The following NCBP3 variants were observed in gnomAD, a reference collection of about 807,000 sequenced individuals.
NCBP3 encodes nuclear cap-binding protein subunit 3.
NCBP3 carries 20 observed loss-of-function variants against 75.7 expected under a neutral mutation model. The observed-to-expected ratio is 0.26, with a 90% confidence interval of 0.19 to 0.38. NCBP3 has a LOEUF of 0.38. Among genes scored for constraint, NCBP3 ranks in the 10% least tolerant of loss-of-function variants. The probability of loss-of-function intolerance (pLI) is 1.00; values close to 1 mark genes in which losing one functional copy is unlikely to be tolerated. For missense variants in NCBP3, 678 were observed against 796.9 expected (o/e 0.85, Z 1.80); for synonymous variants, 293 against 290.5 (o/e 1.01, Z -0.09).
At chr17:3,820,528 T>C (rs1220111866) in intron 9 of NCBP3, among the ~76,000 whole-genome samples, 2 of 152,190 alleles carry the variant, frequency 1.3e-5, no homozygotes, top group Non-Finnish European at 2.9e-5. Context: ...ATCCCACTCT[T>C]CTGAGGCATT....
At position 3,814,576 on chromosome 17, in the gene NCBP3, C is replaced by G. The variant is rs930750837; in HGVS notation, c.1466-93G>C. 4.4e-6 allele frequency: 6 copies of G among 1,354,686 alleles called. No individual in the cohort carries two copies. The Admixed American group carries it at 6.5e-5, about 15-fold the overall frequency. 83.9% of individuals were successfully genotyped at this position (1,354,686 alleles called of 1,614,324 possible). The stretch of plus-strand genomic sequence containing the variant: ...ACCTCTAACGGATCTGGCGCTAACC[C>G]CTGCCCCGAGGACACAGGGCCTGAC... On this transcript the variant is annotated intron_variant, in intron 11 of 12. Transcript: ENST00000389005.
chr17:3,829,429 T>A (rs1254486568), intron 3 of NCBP3, 61 bp from the exon 4 acceptor site: 4 of 1,522,070 alleles, frequency 2.6e-6, no homozygotes, highest in Non-Finnish European at 3.6e-6. Context: ...GCACATCCCA[T>A]CCACACTCCT....
Position 3,809,985 on chromosome 17 carries a change from G to A in NCBP3, c.*3059C>T, listed in dbSNP as rs968835032. The A allele has an allele frequency of 6.6e-6, 1 of 152,174 alleles. No homozygotes were observed. Among genetic ancestry groups the A allele is most frequent in the East Asian group, 1.9e-4 (1 of 5,200 alleles). 9.4% of individuals were successfully genotyped at this position (152,174 alleles called of 1,614,324 possible). The stretch of plus-strand genomic sequence containing the variant: ...CCACAGAGAGAGAAGGAAGATCAGT[G>A]GTGGCCAGAGGCTAAGAGGGAAGAG... On this transcript the variant is annotated 3_prime_UTR_variant, in exon 13 of 13. Coordinates refer to ENST00000389005, the MANE Select transcript of NCBP3 (RefSeq NM_001114118.3).
At chr17:3,819,077 A>T (rs1164678662) in intron 9 of NCBP3, among the ~76,000 whole-genome samples, 5 of 151,942 alleles carry the variant, frequency 3.3e-5, no homozygotes, top group East Asian at 3.9e-4. Context: ...TAGTGATTTC[A>T]CTGCTTAAAA....
chr17:3,819,553 C>CTA (rs2053621902), intron 9 of NCBP3, among the ~76,000 whole-genome samples: 1 of 144,926 alleles, frequency 6.9e-6, no homozygotes, highest in African/African-American at 2.7e-5. Flanking sequence ...GAGCAAGACT[C>CTA]TGTCTCAAAA....
chr17:3,824,436 A>G (rs1235050806), intron 7 of NCBP3: 1 of 149,064 alleles, frequency 6.7e-6, no homozygotes, highest in Non-Finnish European at 1.4e-5. Flanking sequence ...ATATACATAC[A>G]TACACATGCA....
intron 3 of NCBP3, among the ~76,000 whole-genome samples, chr17:3,838,257 T>C (rs918601267): frequency 1.3e-5 from 2 of 152,068 alleles, no homozygotes; most frequent in East Asian, 1.9e-4. Flanking sequence ...GAAGGGCAAA[T>C]GCACAGAATG....
intron 2 of NCBP3, among the ~76,000 whole-genome samples, chr17:3,842,532 C>A (rs548927004): frequency 1.3e-5 from 2 of 152,114 alleles, no homozygotes; most frequent in Non-Finnish European, 2.9e-5. Context: ...AAAAAGCATC[C>A]CCCGTCTTGG....
chr17:3,811,585 A>T lies in NCBP3; in HGVS notation c.*1459T>A, dbSNP rs1357286263. On this transcript the variant is annotated 3_prime_UTR_variant, in exon 13 of 13. Transcript: ENST00000389005. The stretch of plus-strand genomic sequence containing the variant: ...TCCTTTATTAATAACAGTGTTCTGC[A>T]TTAATTCGTGCCACAGTGTAATCAA... The T allele has an allele frequency of 6.6e-6, 1 of 152,208 alleles. No homozygotes were observed. The highest frequency in any genetic ancestry group is 2.4e-5 in the African/African-American group (1 of 41,454). 9.4% of individuals were successfully genotyped at this position (152,208 alleles called of 1,614,324 possible).
At position 3,805,532 on chromosome 17, in the gene NCBP3, T is replaced by C. The variant is rs996744043; in HGVS notation, c.*7512A>G. 2.0e-5 allele frequency: 3 copies of C among 151,886 alleles called. No individual in the cohort carries two copies. The highest frequency in any genetic ancestry group is 4.4e-5 in the Non-Finnish European group (3 of 68,014). 9.4% of individuals were successfully genotyped at this position (151,886 alleles called of 1,614,324 possible). Reference sequence around the variant, plus strand: ...CTACGTGAATAAGACAGCAAGAGGGTGCTCACCATGTTGGCATCCTCCGGC... The same window carrying C: ...CTACGTGAATAAGACAGCAAGAGGGCGCTCACCATGTTGGCATCCTCCGGC... On this transcript the variant is annotated 3_prime_UTR_variant, in exon 13 of 13. Transcript: ENST00000389005.
At chr17:3,823,023 C>T (rs893003094) in intron 7 of NCBP3, 3 of 152,204 alleles carry the variant, frequency 2.0e-5, no homozygotes, top group Non-Finnish European at 4.4e-5. Context: ...AATTAAAATA[C>T]TGATATTAGG....
Position 3,811,022 on chromosome 17 carries a change from A to G in NCBP3, c.*2022T>C, listed in dbSNP as rs2053402238. The stretch of plus-strand genomic sequence containing the variant: ...GAAGCAGAGACTGTGCTGGGATGGG[A>G]ATAAGCCCCTGTCTACACCTCATGC... On this transcript the variant is annotated 3_prime_UTR_variant, in exon 13 of 13. Transcript: ENST00000389005. The G allele has an allele frequency of 6.6e-6, 1 of 152,334 alleles. No individual in the cohort carries two copies. The highest frequency in any genetic ancestry group is 1.5e-5 in the Non-Finnish European group (1 of 68,104). The allele number at this position is 152,334 out of a possible 1,614,324, so 9.4% of individuals were successfully genotyped here. A position where few individuals can be genotyped will look rare whatever the true frequency, so the allele number is the denominator to read the frequency against.
intron 3 of NCBP3, among the ~76,000 whole-genome samples, chr17:3,835,061 G>T (rs529217280): frequency 3.9e-5 from 6 of 152,172 alleles, no homozygotes; most frequent in Non-Finnish European, 8.8e-5. Flanking sequence ...TGAAGAAACA[G>T]AAGCCACGTG....
Position 3,818,607 on chromosome 17 carries a change from C to A in NCBP3, c.1001-35G>T. 6.4e-7 allele frequency: 1 copy of A among 1,564,522 alleles called. No homozygotes were observed. ...TTTAACCAGAAAACATTAGGAAAAG[C>A]ACTAAAATTAACAAGTATGATTTTC... is the stretch of plus-strand genomic sequence containing the variant. On this transcript the variant is annotated intron_variant, in intron 9 of 12. Coordinates refer to ENST00000389005, the MANE Select transcript of NCBP3 (RefSeq NM_001114118.3). The surrounding 1 kb of genome is among the most constrained non-coding windows in gnomAD (Gnocchi z 4.7).
intron 9 of NCBP3, 53 bp downstream of exon 9, chr17:3,821,196 T>C (rs1006305045): frequency 7.7e-7 from 1 of 1,291,694 alleles, no homozygotes; most frequent in Non-Finnish European, 1.1e-6. Flanking sequence ...AGAATAAAAA[T>C]ATGATTTCAG....
rs1441610540 is a variant in NCBP3 at position 3,807,938 on chromosome 17, T to C, written c.*5106A>G. 1 of 151,998 alleles carries C rather than the reference T, an allele frequency of 6.6e-6. No homozygotes were observed. Among genetic ancestry groups the C allele is most frequent in the African/African-American group, 2.4e-5 (1 of 41,378 alleles). 9.4% of individuals were successfully genotyped at this position (151,998 alleles called of 1,614,324 possible). A position where few individuals can be genotyped will look rare whatever the true frequency, so the allele number is the denominator to read the frequency against. ...TGTAGAGGTGTGCAGGGTTGTGGGGTACAGTGATTTGGCATTATACACACA... is the reference window on the plus strand; with the variant it reads ...TGTAGAGGTGTGCAGGGTTGTGGGGCACAGTGATTTGGCATTATACACACA... On this transcript the variant is annotated 3_prime_UTR_variant, in exon 13 of 13. Coordinates refer to ENST00000389005, the MANE Select transcript of NCBP3 (RefSeq NM_001114118.3).
chr17:3,827,736 A>C (rs145608960), intron 4 of NCBP3, among the ~76,000 whole-genome samples: 159 of 152,286 alleles, frequency 1.0e-3, no homozygotes, highest in African/African-American at 3.4e-3. Context: ...TGTAATTCTG[A>C]GAGTCCCTCC....
chr17:3,820,272 A>G (rs2053637178), intron 9 of NCBP3, among the ~76,000 whole-genome samples: 1 of 152,124 alleles, frequency 6.6e-6, no homozygotes, highest in South Asian at 2.1e-4. Context: ...TAACATGTAG[A>G]TCTCAAATAT....
chr17:3,816,058 C>T, intron 11 of NCBP3, 58 bp downstream of exon 11: 1 of 1,547,462 alleles, frequency 6.5e-7, no homozygotes, highest in South Asian at 1.2e-5. Context: ...CCTCTCTCTG[C>T]CCCAGTCTGC....
Sources: allele counts gnomAD v4.1 joint callset (sites outside exome capture counted in the v4.1 genomes callset), GRCh38; gene constraint gnomAD v4.1.1; non-coding constraint Gnocchi (gnomAD v3.1); transcripts MANE v1.5; gene names NCBI Gene and HGNC (gene_info 2026-07-23, HGNC 2026-07-21).